The following TEX15 variants were observed in gnomAD, a reference collection of about 807,000 sequenced individuals.
The protein encoded by TEX15 is testis-expressed protein 15.
A neutral mutation model predicts 237.3 loss-of-function variants in TEX15; 171 were observed. That is an observed-to-expected ratio of 0.72 (90% CI 0.64 to 0.82). TEX15 has a LOEUF of 0.82. TEX15 is among the 40% of genes least tolerant of loss of function. The pLI, the probability that TEX15 is intolerant of heterozygous loss-of-function variation, is 0.00. For missense variants in TEX15, 3,750 were observed against 3,646.5 expected (o/e 1.03, Z -0.73); for synonymous variants, 1,338 against 1,269.8 (o/e 1.05, Z -1.14).
At chr8:30,870,387 G>A (rs888746473) in intron 4 of TEX15, among the ~76,000 whole-genome samples, 4 of 151,806 alleles carry the variant, frequency 2.6e-5, no homozygotes, top group African/African-American at 9.7e-5. Flanking sequence ...TTTAAAATAG[G>A]TTCCAAGACA....
At position 30,847,471 on chromosome 8, in the gene TEX15, A is replaced by G; in HGVS notation, c.2696T>C (p.Ile899Thr). ...DSHTNENFSNIDEKEDKNYHN... is the reference protein window; with the variant it reads ...DSHTNENFSNTDEKEDKNYHN... ...GTAATTTTTGTCCTCCTTTTCATCT[A>G]TATTGCTGAAATTTTCGTTTGTATG... is the stretch of plus-strand genomic sequence containing the variant. The change falls in exon 8 of 11, where the codon ATA becomes ACA. Residue 899 changes from isoleucine (I) to threonine (T), a missense_variant. Transcript: ENST00000643185. 1 of 1,612,696 alleles carries G rather than the reference A, an allele frequency of 6.2e-7. No individual in the cohort carries two copies.
At position 30,843,179 on chromosome 8, in the gene TEX15, T is replaced by A. The variant is rs140311496; in HGVS notation, c.6988A>T (p.Ile2330Phe). The change falls in exon 8 of 11, where the codon ATT (isoleucine) becomes TTT (phenylalanine). Residue 2330 changes from isoleucine (I) to phenylalanine (F), a missense_variant. By Grantham distance (21) the Ile-to-Phe change is conservative (BLOSUM62 0). Coordinates refer to ENST00000643185, the MANE Select transcript of TEX15 (RefSeq NM_001350162.2). Reference protein sequence around the residue: ...KDLNNEPISPIGLEEDTIIAS... With the variant: ...KDLNNEPISPFGLEEDTIIAS... ...ATTATAGTATCCTCCTCAAGCCCAA[T>A]AGGGGAAATTGGTTCATTGTTTAAA... 2 of 1,613,436 alleles carry A rather than the reference T, an allele frequency of 1.2e-6. No individual in the cohort carries two copies. The highest frequency in any genetic ancestry group is 1.7e-5 in the Admixed American group (1 of 59,982).
intron 9 of TEX15, among the ~76,000 whole-genome samples, chr8:30,839,509 A>C (rs567571069): frequency 6.6e-6 from 1 of 152,190 alleles, no homozygotes; most frequent in South Asian, 2.1e-4. Flanking sequence ...TTGGTAAACC[A>C]CTTACTAAGC....
In TEX15 at chr8:30,843,554, A is replaced by T. The variant is rs373823105; in HGVS notation, c.6613T>A (p.Leu2205Ile). 227 of 1,613,076 alleles carry T rather than the reference A, an allele frequency of 1.4e-4. No homozygotes were observed. Among genetic ancestry groups the T allele is most frequent in the Non-Finnish European group, 1.8e-4 (207 of 1,179,720 alleles). The change falls in exon 8 of 11, where the codon TTA becomes ATA. Residue 2205 changes from leucine (L) to isoleucine (I), a missense_variant. Physicochemically the swap from Leu to Ile is conservative, Grantham distance 5. Transcript: ENST00000643185. ...FTCGVNFGDS[L>I]EDLEILRKST... ...TTTCTTAAGATTTCCAGGTCTTCTA[A>T]ACTATCTCCAAAGTTAACTCCACAG... is the stretch of plus-strand genomic sequence containing the variant.
chr8:30,845,808 G>C lies in TEX15; in HGVS notation c.4359C>G (p.Asp1453Glu), dbSNP rs761653236. 4 of 1,609,082 alleles carry C rather than the reference G, an allele frequency of 2.5e-6. No homozygotes were observed. The highest frequency in any genetic ancestry group is 1.7e-5 in the Admixed American group (1 of 59,022). The change falls in exon 8 of 11, where the codon GAC becomes GAG. Residue 1453 changes from aspartate to glutamate, a missense_variant. Asp to Glu is a conservative substitution (Grantham distance 45). Transcript: ENST00000643185. ...TTGGAGCTCTTTTCTTTCTCCGTTT[G>C]TCATATTTTCTTTTTGACGAAAAAT... The part of the protein sequence containing the change: ...TKHFSSKRKY[D>E]KRRKKRAPKA...
rs866717600 is a variant in TEX15, at chr8:30,832,480, A to G, written c.*806T>C. On this transcript the variant is annotated 3_prime_UTR_variant, in exon 11 of 11. Transcript: ENST00000643185. ...TTGCCCTATGATGATTATTACTAAG[A>G]GAGTTTTTACTTTTGCAGAAGGTTA... The G allele has an allele frequency of 2.0e-5, 3 of 152,222 alleles. No individual in the cohort carries two copies. Among genetic ancestry groups the G allele is most frequent in the Non-Finnish European group, 4.4e-5 (3 of 68,038 alleles). 9.4% of individuals were successfully genotyped at this position (152,222 alleles called of 1,614,324 possible).
In TEX15 at chr8:30,847,549, G is replaced by T; in HGVS notation, c.2618C>A (p.Ser873Ter). The change falls in exon 8 of 11, where the codon TCA (serine) becomes TAA (stop). Residue 873 changes from serine (S) to a stop codon, truncating the protein, a stop_gained. Transcript: ENST00000643185. LOFTEE classifies it high-confidence loss of function. ...NQNEAKENSASCVENNIENIY... is the reference protein window; with the variant it reads ...NQNEAKENSA ...GTTCTCTATGTTGTTTTCTACACAT[G>T]AAGCACTATTCTCTTTAGCCTCATT... 6.2e-7 allele frequency: 1 copy of T among 1,612,932 alleles called. No individual in the cohort carries two copies.
chr8:30,880,325 C>T (rs1297106003), intron 3 of TEX15, among the ~76,000 whole-genome samples: 4 of 152,144 alleles, frequency 2.6e-5, no homozygotes, highest in Non-Finnish European at 2.9e-5. Flanking sequence ...CCACCATGAC[C>T]GGCTGCCCAA....
intron 2 of TEX15, among the ~76,000 whole-genome samples, chr8:30,896,907 A>G (rs964742417): frequency 6.6e-6 from 1 of 152,198 alleles, no homozygotes; most frequent in Admixed American, 6.5e-5. Flanking sequence ...CCAATGCAAA[A>G]AAGTCTAGAA....
At chr8:30,880,247 C>A (rs904292946) in intron 3 of TEX15, among the ~76,000 whole-genome samples, 7 of 152,258 alleles carry the variant, frequency 4.6e-5, no homozygotes, top group South Asian at 4.1e-4. Flanking sequence ...CCAGGCTGGT[C>A]TCCAACTCCT....
chr8:30,836,239 G>A (rs1051444462), intron 10 of TEX15, among the ~76,000 whole-genome samples: 2 of 92,444 alleles, frequency 2.2e-5, no homozygotes, highest in Non-Finnish European at 2.0e-5. Context: ...TTTTGAGGTC[G>A]AGTCTCGTTC....
intron 3 of TEX15, among the ~76,000 whole-genome samples, chr8:30,883,676 T>C (rs1423945309): frequency 1.3e-5 from 2 of 152,304 alleles, no homozygotes; most frequent in African/African-American, 2.4e-5. Context: ...GCAAAGGACA[T>C]GATCTCATTC....
At chr8:30,906,589 C>G (rs1336542588) in intron 1 of TEX15, among the ~76,000 whole-genome samples, 1 of 79,214 alleles carries the variant, frequency 1.3e-5, no homozygotes. Context: ...GACTCCATCT[C>G]AAAAGAAAAA....
chr8:30,870,967 G>A (rs1380820357), intron 4 of TEX15, among the ~76,000 whole-genome samples: 2 of 152,016 alleles, frequency 1.3e-5, no homozygotes, highest in Non-Finnish European at 2.9e-5. Context: ...CCAGCAAGGA[G>A]ATTTCCCAGC....
chr8:30,838,565 T>C (rs1807363285), intron 9 of TEX15, among the ~76,000 whole-genome samples: 1 of 151,572 alleles, frequency 6.6e-6, no homozygotes, highest in African/African-American at 2.4e-5. Context: ...ATCTCCAAAA[T>C]TTCTTGCCCA....
chr8:30,898,061 C>T (rs1467060286), intron 2 of TEX15, among the ~76,000 whole-genome samples: 5 of 152,258 alleles, frequency 3.3e-5, no homozygotes, highest in Non-Finnish European at 7.4e-5. Context: ...GCTTGACTTT[C>T]AAATTAGTTA....
rs910663922 is a variant in TEX15, at chr8:30,848,366, T to C, written c.1801A>G (p.Thr601Ala). Reference protein sequence around the residue: ...TIYQTGCQTSTVFPLKKKVSI... With the variant: ...TIYQTGCQTSAVFPLKKKVSI... ...ACTTTCTTTTTGAGTGGAAAAACTG[T>C]AGACGTTTGGCAACCAGTCTGATAA... is the stretch of plus-strand genomic sequence containing the variant. The change falls in exon 8 of 11, where the codon ACA (threonine) becomes GCA (alanine). Residue 601 changes from threonine (T) to alanine (A), a missense_variant. Coordinates refer to ENST00000643185, the MANE Select transcript of TEX15 (RefSeq NM_001350162.2). 5 of 1,614,062 alleles carry C rather than the reference T, an allele frequency of 3.1e-6. No individual in the cohort carries two copies. Among genetic ancestry groups the C allele is most frequent in the African/African-American group, 2.7e-5 (2 of 74,948 alleles).
intron 10 of TEX15, among the ~76,000 whole-genome samples, chr8:30,835,464 C>T (rs1386478094): frequency 6.6e-6 from 1 of 152,182 alleles, no homozygotes; most frequent in East Asian, 1.9e-4. Context: ...GTTCCAGCTA[C>T]TTGGGATGCT....
In TEX15 at chr8:30,846,673, C is replaced by T; in HGVS notation, c.3494G>A (p.Arg1165Lys). The change falls in exon 8 of 11, where the codon AGG (arginine) becomes AAG (lysine). Residue 1165 changes from arginine to lysine, a missense_variant. Coordinates refer to ENST00000643185, the MANE Select transcript of TEX15 (RefSeq NM_001350162.2). ...GTCAGCTGTCGGGCTGAATCCTGGCCTAAATATATTAGTAATTTTAATTTG... is the reference window on the plus strand; with the variant it reads ...GTCAGCTGTCGGGCTGAATCCTGGCTTAAATATATTAGTAATTTTAATTTG... The part of the protein sequence containing the change: ...DLQIKITNIF[R>K]PGFSPTADSL... 6.2e-7 allele frequency: 1 copy of T among 1,613,722 alleles called. No homozygotes were observed. Among genetic ancestry groups the T allele is most frequent in the South Asian group, 1.1e-5 (1 of 91,038 alleles).
Sources: allele counts gnomAD v4.1 joint callset (sites outside exome capture counted in the v4.1 genomes callset), GRCh38; gene constraint gnomAD v4.1.1; transcripts MANE v1.5; gene names NCBI Gene and HGNC (gene_info 2026-07-23, HGNC 2026-07-21).